RUNX1: variants seen among roughly 807,000 people sequenced by gnomAD.
RUNX1 encodes runt-related transcription factor 1.
A neutral mutation model predicts 42.8 loss-of-function variants in RUNX1; 19 were observed. The observed-to-expected ratio is 0.44, with a 90% CI of 0.31 to 0.65. The LOEUF (loss-of-function observed/expected upper bound fraction) is 0.65, where lower values mean the gene tolerates loss of function less well. Ranked by LOEUF, RUNX1 falls within the 30% of genes least tolerant of loss-of-function variation. RUNX1 has a pLI of 0.07. For missense variants in RUNX1, 528 were observed against 672.0 expected (o/e 0.79, Z 2.37); for synonymous variants, 271 against 289.4 (o/e 0.94, Z 0.64).
chr21:34,821,543 G>T, intron 7 of RUNX1: 1 of 1,528,906 alleles, frequency 6.5e-7, no homozygotes, highest in African/African-American at 1.4e-5. Context: ...CCCACATTCT[G>T]CCTTCCTCAT....
At chr21:35,036,041 G>A (rs1220109226) in intron 2 of RUNX1, among the ~76,000 whole-genome samples, 1 of 152,200 alleles carries the variant, frequency 6.6e-6, no homozygotes, top group African/African-American at 2.4e-5. Flanking sequence ...GGGTCTGAAG[G>A]TGACAGTGGA....
intron 5 of RUNX1, among the ~76,000 whole-genome samples, chr21:34,868,618 T>G (rs1418415925): frequency 6.6e-6 from 1 of 152,180 alleles, no homozygotes; most frequent in Non-Finnish European, 1.5e-5. Flanking sequence ...AGGTCTCAAG[T>G]GAATGACAAG....
rs1312588693 is a variant in RUNX1, at chr21:34,834,570, C to T, written c.645G>A (p.Lys215=). ...GCTCGGAAAAGGACAAGCTCCCGGG[C>T]TTGGTCTGATCATCTAGTTTCTGCC... The part of the protein sequence containing the change: ...RHRQKLDDQT[K]PGSLSFSERL... Residue 215 remains lysine, a synonymous_variant, in exon 7 of 9, where the codon AAG becomes AAA. Transcript: ENST00000675419. The T allele has an allele frequency of 3.4e-6, 5 of 1,468,618 alleles. No individual in the cohort carries two copies. The allele number at this position is 1,468,618 out of a possible 1,614,324, so 91.0% of individuals were successfully genotyped here.
intron 2 of RUNX1, among the ~76,000 whole-genome samples, chr21:34,942,430 A>G (rs1035660570): frequency 4.6e-5 from 7 of 152,162 alleles, no homozygotes; most frequent in Non-Finnish European, 8.8e-5. Flanking sequence ...TGCAGGTTTC[A>G]TAGTCACTTG....
chr21:34,890,428 G>A (rs926779415), intron 3 of RUNX1, among the ~76,000 whole-genome samples: 4 of 152,220 alleles, frequency 2.6e-5, no homozygotes, highest in African/African-American at 9.6e-5. Flanking sequence ...CAGCCGGCCA[G>A]GTGGGGACTC....
intron 7 of RUNX1, among the ~76,000 whole-genome samples, chr21:34,813,400 C>A (rs573036547): frequency 6.6e-6 from 1 of 152,256 alleles, no homozygotes; most frequent in South Asian, 2.1e-4. Context: ...GGAAAGCTAA[C>A]ACAGCATTGT....
At position 35,019,856 on chromosome 21, in the gene RUNX1, C is replaced by T. The variant is rs377260988; in HGVS notation, c.58+28986G>A. Among the ~76,000 whole-genome samples, 126 of 152,218 alleles carry T rather than the reference C, an allele frequency of 8.3e-4. 2 individuals are homozygous for T. The highest frequency in any genetic ancestry group is 3.4e-3 in the Middle Eastern group (1 of 294). ...GGAAAATCGTGCACTGATCAGTGCA[C>T]GCGGCTTCAACTTTCTCCTGACCCC... On this transcript the variant is annotated intron_variant, in intron 2 of 8. Transcript: ENST00000675419.
chr21:34,894,039 CTT>C (rs1019843473), intron 2 of RUNX1, among the ~76,000 whole-genome samples: 1 of 151,624 alleles, frequency 6.6e-6, no homozygotes, highest in Non-Finnish European at 1.5e-5. Context: ...TCCATGAAGA[CTT>C]TTCTTTTTAA....
intron 2 of RUNX1, among the ~76,000 whole-genome samples, chr21:34,928,787 T>C (rs188524235): frequency 6.6e-6 from 1 of 152,268 alleles, no homozygotes; most frequent in East Asian, 1.9e-4. Context: ...AAAACAGTAG[T>C]GTTTTTTGTT....
intron 2 of RUNX1, among the ~76,000 whole-genome samples, chr21:34,991,219 C>T (rs1041821542): frequency 6.6e-6 from 1 of 152,318 alleles, no homozygotes; most frequent in South Asian, 2.1e-4. Context: ...CATGCCAGGC[C>T]CCTACCTGCC....
At chr21:34,803,815 C>T (rs1253174718) in intron 7 of RUNX1, among the ~76,000 whole-genome samples, 1 of 152,100 alleles carries the variant, frequency 6.6e-6, no homozygotes, top group Non-Finnish European at 1.5e-5. Flanking sequence ...GTGTACACGG[C>T]ATATATCACA....
intron 7 of RUNX1, among the ~76,000 whole-genome samples, chr21:34,816,055 C>T (rs1365897253): frequency 1.3e-5 from 2 of 152,044 alleles, no homozygotes; most frequent in Non-Finnish European, 2.9e-5. Flanking sequence ...CCCCAGGTTC[C>T]CAGCTGGGAT....
intron 2 of RUNX1, among the ~76,000 whole-genome samples, chr21:34,938,522 TC>T (rs1204442807): frequency 6.6e-6 from 1 of 151,904 alleles, no homozygotes; most frequent in Non-Finnish European, 1.5e-5. Context: ...CTCTTACACC[TC>T]CTCCTTCTCC....
intron 6 of RUNX1, among the ~76,000 whole-genome samples, chr21:34,848,677 G>T (rs572043743): frequency 2.0e-5 from 3 of 152,194 alleles, no homozygotes; most frequent in Admixed American, 2.0e-4. Flanking sequence ...TCAGGTAATC[G>T]GCCCACCTCG....
chr21:34,877,049 C>T (rs1481793626), intron 5 of RUNX1, among the ~76,000 whole-genome samples: 5 of 151,856 alleles, frequency 3.3e-5, no homozygotes, highest in African/African-American at 4.8e-5. Context: ...GTAGAGATGG[C>T]GGTGTCACCA....
intron 5 of RUNX1, among the ~76,000 whole-genome samples, chr21:34,877,938 G>C (rs1023669997): frequency 2.0e-4 from 31 of 152,326 alleles, no homozygotes; most frequent in African/African-American, 7.5e-4. Context: ...AATTGGCACT[G>C]AAAGTTTGGA....
rs547443549 is a variant in RUNX1, at chr21:34,968,448, C to T, written c.59-75485G>A. Among the ~76,000 whole-genome samples the T allele has an allele frequency of 2.0e-5, 3 of 152,266 alleles. No homozygotes were observed. In the East Asian group the frequency reaches 5.8e-4, roughly 29 times the overall value. On this transcript the variant is annotated intron_variant, in intron 2 of 8. Coordinates refer to ENST00000675419, the MANE Select transcript of RUNX1 (RefSeq NM_001754.5). ...GGGCAGCCAGCACGGAAGAGGGTGGCTTTGCTACCATTGGGAAAACTTATC... is the reference window on the plus strand; with the variant it reads ...GGGCAGCCAGCACGGAAGAGGGTGGTTTTGCTACCATTGGGAAAACTTATC...
At chr21:34,950,839 A>T (rs559441011) in intron 2 of RUNX1, among the ~76,000 whole-genome samples, 1 of 152,348 alleles carries the variant, frequency 6.6e-6, no homozygotes, top group East Asian at 1.9e-4. Flanking sequence ...TCCCACCATA[A>T]GACCCACAGG....
At position 34,930,289 on chromosome 21, in the gene RUNX1, T is replaced by TATATATATATATATATATATAA. The variant is rs1555906453; in HGVS notation, c.59-37327_59-37326insTTATATATATATATATATATAT. 9.4e-4 allele frequency among the ~76,000 whole-genome samples: 129 copies of TATATATATATATATATATATAA among 137,232 alleles called. 1 individual carries two copies. The highest frequency in any genetic ancestry group is 3.8e-3 in the African/African-American group (120 of 31,898). The allele number at this position is 137,232 out of a possible 152,430, so 90.0% of individuals were successfully genotyped here. On this transcript the variant is annotated intron_variant, in intron 2 of 8. Transcript: ENST00000675419. Reference sequence around the variant, plus strand: ...GTGTATGTATATATATATATATATATATAAATAAATAAATAAAATTTTACA... The same window carrying TATATATATATATATATATATAA: ...GTGTATGTATATATATATATATATATATATATATATATATATATATAAATAAATAAATAAATAAAATTTTACA...
Sources: gnomAD v4.1 joint callset for allele counts (sites outside exome capture counted in the v4.1 genomes callset) on GRCh38, gnomAD v4.1.1 for gene constraint, MANE v1.5 for transcripts, NCBI Gene and HGNC (gene_info 2026-07-23, HGNC 2026-07-21) for gene names.